Variants in FBXW7 observed in about 807,000 individuals in gnomAD.
FBXW7 encodes the protein F-box and WD repeat domain containing 7.
Under a neutral mutation model 86.3 loss-of-function variants are expected in FBXW7, and 11 were observed. The observed-to-expected ratio is 0.13, with a 90% CI of 0.08 to 0.21. The LOEUF (loss-of-function observed/expected upper bound fraction) is 0.21. Ranked by LOEUF, FBXW7 falls within the 10% of genes least tolerant of loss-of-function variation. FBXW7 has a pLI of 1.00. For missense variants in FBXW7, 488 were observed against 847.4 expected (o/e 0.58, Z 5.27); for synonymous variants, 313 against 297.9 (o/e 1.05, Z -0.52).
At chr4:152,479,349 G>A (rs1744680981) in intron 2 of FBXW7, among the ~76,000 whole-genome samples, 1 of 152,092 alleles carries the variant, frequency 6.6e-6, no homozygotes, top group African/African-American at 2.4e-5. Flanking sequence ...GTTTTCTCAA[G>A]TGTCTCAAAG....
chr4:152,386,016 G>A (rs1735497101), intron 4 of FBXW7, among the ~76,000 whole-genome samples: 1 of 151,690 alleles, frequency 6.6e-6, no homozygotes, highest in Non-Finnish European at 1.5e-5. Context: ...TTCAAATATA[G>A]ACAAAAACCC....
At chr4:152,524,622 C>G (rs1224080944) in intron 2 of FBXW7, among the ~76,000 whole-genome samples, 1 of 152,140 alleles carries the variant, frequency 6.6e-6, no homozygotes, top group East Asian at 1.9e-4. Flanking sequence ...GGTGTGACCT[C>G]TGACTAAGAC....
intron 2 of FBXW7, among the ~76,000 whole-genome samples, chr4:152,475,650 T>A (rs1744328389): frequency 6.6e-6 from 1 of 152,232 alleles, no homozygotes; most frequent in Non-Finnish European, 1.5e-5. Context: ...ATGATTATGA[T>A]TTTAACAAGT....
chr4:152,356,397 T>A (rs1318631713), intron 4 of FBXW7, among the ~76,000 whole-genome samples: 2 of 129,608 alleles, frequency 1.5e-5, no homozygotes, highest in Non-Finnish European at 3.7e-5. Flanking sequence ...GAAAATACTA[T>A]GAATACTATT....
intron 2 of FBXW7, among the ~76,000 whole-genome samples, chr4:152,493,526 C>A (rs960177405): frequency 5.3e-5 from 8 of 152,114 alleles, no homozygotes; most frequent in African/African-American, 1.9e-4. Context: ...CTGTCTCCCC[C>A]AAAATTCACG....
chr4:152,524,882 A>G (rs2149737296), intron 2 of FBXW7, among the ~76,000 whole-genome samples: 1 of 152,336 alleles, frequency 6.6e-6, no homozygotes, highest in East Asian at 1.9e-4. Flanking sequence ...CTCACTGTAT[A>G]AGCATTCTAG....
At chr4:152,364,406 T>C (rs948678981) in intron 4 of FBXW7, among the ~76,000 whole-genome samples, 1 of 152,170 alleles carries the variant, frequency 6.6e-6, no homozygotes, top group Non-Finnish European at 1.5e-5. Flanking sequence ...TACTAGGTTT[T>C]TTCCTCCTTA....
At chr4:152,391,382 T>A (rs955483075) in intron 4 of FBXW7, among the ~76,000 whole-genome samples, 3 of 152,136 alleles carry the variant, frequency 2.0e-5, no homozygotes, top group Non-Finnish European at 4.4e-5. Context: ...AGGTTTAAAT[T>A]AAGCTGAGAG....
At chr4:152,380,433 T>C (rs894903641) in intron 4 of FBXW7, among the ~76,000 whole-genome samples, 2 of 152,030 alleles carry the variant, frequency 1.3e-5, no homozygotes, top group Admixed American at 6.6e-5. Context: ...CAGGCTAAAA[T>C]TGAATGTGTT....
chr4:152,484,258 AT>A (rs970352731), intron 2 of FBXW7, among the ~76,000 whole-genome samples: 33 of 151,764 alleles, frequency 2.2e-4, no homozygotes, highest in Middle Eastern at 3.4e-3. Context: ...TGTATAGAGG[AT>A]TTTTTTTTCT....
At chr4:152,445,055 G>A (rs1441176944) in intron 2 of FBXW7, among the ~76,000 whole-genome samples, 24 of 152,008 alleles carry the variant, frequency 1.6e-4, no homozygotes, top group Admixed American at 1.4e-3. Context: ...CAAACTTCTC[G>A]ACTCAAGCGA....
At position 152,535,193 on chromosome 4, in the gene FBXW7, G is replaced by C. The variant is rs941872765; in HGVS notation, c.-279C>G. ...CTGCCCGTCCAGGGCCACTTCTCCC[G>C]GGACAGTCAGGTTTGGGAGACTCCG... On this transcript the variant is annotated 5_prime_UTR_variant, in exon 1 of 14. Coordinates refer to ENST00000281708, the MANE Select transcript of FBXW7 (RefSeq NM_001349798.2). 6.1e-6 allele frequency: 1 copy of C among 162,732 alleles called. No individual in the cohort carries two copies. The highest frequency in any genetic ancestry group is 1.3e-5 in the Non-Finnish European group (1 of 75,334). 10.1% of individuals were successfully genotyped at this position (162,732 alleles called of 1,614,324 possible). A position where few individuals can be genotyped will look rare whatever the true frequency, so the allele number is the denominator to read the frequency against.
intron 4 of FBXW7, among the ~76,000 whole-genome samples, chr4:152,396,780 T>C (rs1010305146): frequency 6.6e-6 from 1 of 152,046 alleles, no homozygotes; most frequent in Middle Eastern, 3.2e-3. Context: ...AAATGTGGTT[T>C]TCAGAAAATG....
At chr4:152,507,513 A>C (rs1197832691) in intron 2 of FBXW7, among the ~76,000 whole-genome samples, 1 of 152,242 alleles carries the variant, frequency 6.6e-6, no homozygotes, top group Non-Finnish European at 1.5e-5. Context: ...AGTCTGCTAC[A>C]AAAAGAATTA....
At chr4:152,400,513 G>C (rs1010951529) in intron 4 of FBXW7, among the ~76,000 whole-genome samples, 8 of 151,358 alleles carry the variant, frequency 5.3e-5, no homozygotes, top group African/African-American at 1.9e-4. Context: ...GGCTAATTTT[G>C]TGCATTTTTT....
chr4:152,489,803 C>T (rs1745670206), intron 2 of FBXW7, among the ~76,000 whole-genome samples: 1 of 152,034 alleles, frequency 6.6e-6, no homozygotes, highest in Non-Finnish European at 1.5e-5. Flanking sequence ...TTACTACCCT[C>T]CCCTCAATAC....
intron 4 of FBXW7, chr4:152,352,586 C>T: frequency 6.2e-7 from 1 of 1,613,882 alleles, no homozygotes; most frequent in Non-Finnish European, 8.5e-7. Flanking sequence ...CAATATAAAC[C>T]TTTTTCAGGT....
At chr4:152,496,019 A>G (rs897846081) in intron 2 of FBXW7, among the ~76,000 whole-genome samples, 2 of 152,100 alleles carry the variant, frequency 1.3e-5, no homozygotes, top group African/African-American at 4.8e-5. Context: ...TCTACAAATA[A>G]TTTTAAAATT....
rs558609754 is a variant in FBXW7, at chr4:152,486,384, C to T, written c.-120+48557G>A. On this transcript the variant is annotated intron_variant, in intron 2 of 13. Coordinates refer to ENST00000281708, the MANE Select transcript of FBXW7 (RefSeq NM_001349798.2). ...TTCTGACTTTTGTAATAACATTTAG[C>T]GTAAAACTAACATATTGTACAGCTG... is the stretch of plus-strand genomic sequence containing the variant. Among the ~76,000 whole-genome samples the T allele has an allele frequency of 1.1e-4, 17 of 152,242 alleles. No homozygotes were observed. In the East Asian group the frequency reaches 2.3e-3, roughly 21 times the overall value.
Sources: gnomAD v4.1 joint callset for allele counts (sites outside exome capture counted in the v4.1 genomes callset) on GRCh38, gnomAD v4.1.1 for gene constraint, MANE v1.5 for transcripts, NCBI Gene and HGNC (gene_info 2026-07-23, HGNC 2026-07-21) for gene names.